The following FREM1 variants were observed in gnomAD, a reference collection of about 807,000 sequenced individuals.
FREM1 encodes the protein FRAS1-related extracellular matrix protein 1.
FREM1 carries 220 observed loss-of-function variants against 210.1 expected under a neutral mutation model. The observed-to-expected ratio is 1.05, with a 90% CI of 0.94 to 1.17. The LOEUF is 1.17. FREM1 is among the 50% of genes most tolerant of loss of function. FREM1 has a pLI of 0.00. For missense variants in FREM1, 3,454 were observed against 2,675.5 expected (o/e 1.29, Z -6.42); for synonymous variants, 1,189 against 980.2 (o/e 1.21, Z -3.98).
intron 25 of FREM1, among the ~76,000 whole-genome samples, chr9:14,775,458 C>A (rs1443566723): frequency 2.0e-5 from 3 of 152,048 alleles, no homozygotes; most frequent in Non-Finnish European, 4.4e-5. Flanking sequence ...GTAATCCCAG[C>A]ACTTTGGGAG....
chr9:14,873,010 G>A (rs1353525176), intron 1 of FREM1, among the ~76,000 whole-genome samples: 2 of 151,772 alleles, frequency 1.3e-5, no homozygotes, highest in African/African-American at 4.8e-5. Context: ...TGCATCCCAG[G>A]GATGAAGCCC....
chr9:14,878,028 A>T (rs1023582832), intron 1 of FREM1, among the ~76,000 whole-genome samples: 4 of 152,222 alleles, frequency 2.6e-5, no homozygotes, highest in African/African-American at 9.6e-5. Context: ...TGATTGCAAT[A>T]GCATCCTATT....
intron 14 of FREM1, among the ~76,000 whole-genome samples, chr9:14,818,613 G>A (rs1198761443): frequency 6.6e-6 from 1 of 152,186 alleles, no homozygotes; most frequent in Non-Finnish European, 1.5e-5. Flanking sequence ...TTGTAGGAAA[G>A]TTTCTTACAG....
intron 29 of FREM1, among the ~76,000 whole-genome samples, chr9:14,754,710 G>A (rs1028582152): frequency 4.6e-5 from 7 of 152,102 alleles, no homozygotes; most frequent in Admixed American, 3.3e-4. Flanking sequence ...GAGGTAGGCA[G>A]ATCACAAAGT....
chr9:14,759,680 G>C (rs1845115256), intron 28 of FREM1, 92 bp downstream of exon 28: 2 of 1,232,560 alleles, frequency 1.6e-6, no homozygotes. Flanking sequence ...AATTTCCTTG[G>C]TCACTCTGAA....
At chr9:14,756,227 T>C (rs1844327421) in intron 29 of FREM1, 147 bp downstream of exon 29, 1 of 623,524 alleles carries the variant, frequency 1.6e-6, no homozygotes, top group Non-Finnish European at 2.8e-6. Context: ...AACACCTCTC[T>C]TTTAGAGTGA....
intron 14 of FREM1, among the ~76,000 whole-genome samples, chr9:14,817,262 T>G (rs1231937806): frequency 2.0e-5 from 3 of 152,086 alleles, no homozygotes; most frequent in Non-Finnish European, 4.4e-5. Context: ...GATTTGATCT[T>G]TTTCTCCCCT....
Position 14,873,758 on chromosome 9 carries a change from T to C in FREM1, c.-267-4514A>G, listed in dbSNP as rs1253054483. ...TTTTCTAGTTCTTTAAATTGTGATG[T>C]TAGGGTGTCAATTTTGGATCTTTCC... On this transcript the variant is annotated intron_variant, in intron 1 of 36. Coordinates refer to ENST00000380880, the MANE Select transcript of FREM1 (RefSeq NM_001379081.2). Among the ~76,000 whole-genome samples, 4 of 152,334 alleles carry C rather than the reference T, an allele frequency of 2.6e-5. No individual in the cohort carries two copies. In the South Asian group the frequency reaches 8.3e-4, roughly 32 times the overall value.
In FREM1 at chr9:14,824,840, CA is replaced by C. The variant is rs867464382; in HGVS notation, c.2033del (p.Leu678ArgfsTer5). ...ATGGAGGAGTAGTTATTGTGTAGAC[CA>C]GCTCCCTGTCATATGATTCTGAATC... ...FIDSESYDRE[L>X]VYTITTPPFF... On this transcript the variant is annotated frameshift_variant, in exon 11 of 37. Coordinates refer to ENST00000380880, the MANE Select transcript of FREM1 (RefSeq NM_001379081.2). LOFTEE classifies it high-confidence loss of function. The C allele has an allele frequency of 6.2e-7, 1 of 1,612,858 alleles. No individual in the cohort carries two copies. The highest frequency in any genetic ancestry group is 1.3e-5 in the African/African-American group (1 of 74,822).
At chr9:14,864,408 C>T (rs2131741343) in intron 2 of FREM1, among the ~76,000 whole-genome samples, 1 of 152,208 alleles carries the variant, frequency 6.6e-6, no homozygotes, top group South Asian at 2.1e-4. Context: ...AAAGATGAAG[C>T]CACTGACTAT....
At chr9:14,859,052 A>G (rs552384955) in intron 4 of FREM1, 131 bp downstream of exon 4, 1 of 653,414 alleles carries the variant, frequency 1.5e-6, no homozygotes, top group Non-Finnish European at 2.5e-6. Flanking sequence ...GCTCTTAACC[A>G]CTAACTGACA....
intron 1 of FREM1, among the ~76,000 whole-genome samples, chr9:14,903,773 T>C (rs1817141325): frequency 6.6e-6 from 1 of 152,120 alleles, no homozygotes; most frequent in South Asian, 2.1e-4. Flanking sequence ...AGCAGTCTCA[T>C]AAAAAACAAG....
intron 1 of FREM1, among the ~76,000 whole-genome samples, chr9:14,901,829 T>C (rs1385929484): frequency 2.0e-5 from 3 of 152,124 alleles, no homozygotes; most frequent in African/African-American, 7.2e-5. Context: ...TAATATTGAC[T>C]TTATGGGGTT....
At chr9:14,755,263 G>C (rs987562633) in intron 29 of FREM1, among the ~76,000 whole-genome samples, 2 of 152,202 alleles carry the variant, frequency 1.3e-5, no homozygotes, top group Non-Finnish European at 2.9e-5. Context: ...GAACTGCAGA[G>C]AGCCATTTCT....
chr9:14,814,796 A>T (rs1429568932), intron 15 of FREM1, among the ~76,000 whole-genome samples: 1 of 152,222 alleles, frequency 6.6e-6, no homozygotes, highest in Non-Finnish European at 1.5e-5. Flanking sequence ...GGTAAAAAAA[A>T]AATCACAAAC....
chr9:14,738,392 G>A (rs1840797160), intron 36 of FREM1, among the ~76,000 whole-genome samples: 3 of 152,020 alleles, frequency 2.0e-5, no homozygotes, highest in Middle Eastern at 3.4e-3. Flanking sequence ...TTTTCAGTCT[G>A]TATTTTTGGG....
intron 20 of FREM1, among the ~76,000 whole-genome samples, chr9:14,800,303 G>A (rs540044281): frequency 6.6e-5 from 10 of 152,178 alleles, no homozygotes; most frequent in African/African-American, 9.7e-5. Context: ...TGGCAAAGGA[G>A]GGGGAAGGAC....
At chr9:14,895,263 T>C (rs997365750) in intron 1 of FREM1, among the ~76,000 whole-genome samples, 1 of 152,210 alleles carries the variant, frequency 6.6e-6, no homozygotes, top group Non-Finnish European at 1.5e-5. Context: ...AGGCCAAGTA[T>C]AATAAAGCAA....
chr9:14,830,494 T>C (rs1823352177), intron 10 of FREM1, among the ~76,000 whole-genome samples: 1 of 152,204 alleles, frequency 6.6e-6, no homozygotes, highest in Non-Finnish European at 1.5e-5. Flanking sequence ...CAATGGAGTT[T>C]GTTAAAATGG....
Sources: gnomAD v4.1 joint callset for allele counts (sites outside exome capture counted in the v4.1 genomes callset) on GRCh38, gnomAD v4.1.1 for gene constraint, MANE v1.5 for transcripts, NCBI Gene and HGNC (gene_info 2026-07-23, HGNC 2026-07-21) for gene names.